VSTM2A: variants seen among roughly 807,000 people sequenced by gnomAD.
The protein encoded by VSTM2A is V-set and transmembrane domain containing 2A.
Under a neutral mutation model 27.3 loss-of-function variants are expected in VSTM2A, and 13 were observed. The ratio of observed to expected loss-of-function variants is 0.48; its 90% confidence interval spans 0.31 to 0.76. The LOEUF (loss-of-function observed/expected upper bound fraction) is 0.76. Ranked by LOEUF, VSTM2A falls within the 30% of genes least tolerant of loss-of-function variation. The pLI, the probability that VSTM2A is intolerant of heterozygous loss-of-function variation, is 0.05. For missense variants in VSTM2A, 280 were observed against 310.0 expected (o/e 0.90, Z 0.73); for synonymous variants, 142 against 125.7 (o/e 1.13, Z -0.87).
In VSTM2A at chr7:54,542,809, G is replaced by A; in HGVS notation, c.79G>A (p.Ala27Thr). The A allele has an allele frequency of 6.2e-7, 1 of 1,613,562 alleles. No individual in the cohort carries two copies. The highest frequency in any genetic ancestry group is 8.5e-7 in the Non-Finnish European group (1 of 1,179,662). ...LYVQQGLSSQ[A>T]KFTEFPRNVT... The stretch of plus-strand genomic sequence containing the variant: ...TGTACAACAAGGGCTTTCTTCTCAA[G>A]GTAAGTCTTGCTCAATGGCAAATAT... Residue 27 changes from alanine to threonine, a missense_variant and splice_region_variant, in exon 1 of 5, where the codon GCA becomes ACA. Coordinates refer to ENST00000402613, the MANE Select transcript of VSTM2A (RefSeq NM_001301009.2).
At chr7:54,550,441 C>T (rs1788154051) in intron 4 of VSTM2A, 3 of 763,492 alleles carry the variant, frequency 3.9e-6, no homozygotes, top group Non-Finnish European at 5.8e-6. Context: ...TGTATTTACA[C>T]ATTATAAGAA....
intron 2 of VSTM2A, among the ~76,000 whole-genome samples, chr7:54,546,514 G>A (rs1787976276): frequency 6.6e-6 from 1 of 151,130 alleles, no homozygotes; most frequent in African/African-American, 2.4e-5. Context: ...CACTCACGCC[G>A]GCCGCCCCAC....
intron 4 of VSTM2A, among the ~76,000 whole-genome samples, chr7:54,560,456 A>G (rs997111919): frequency 6.6e-6 from 1 of 152,140 alleles, no homozygotes; most frequent in Non-Finnish European, 1.5e-5. Context: ...TCATGCAATC[A>G]TTTTTCCTGT....
At chr7:54,556,235 C>T (rs1305840313) in intron 4 of VSTM2A, among the ~76,000 whole-genome samples, 2 of 152,144 alleles carry the variant, frequency 1.3e-5, no homozygotes, top group Non-Finnish European at 2.9e-5. Flanking sequence ...GAAGGTGGTA[C>T]TTGTGTCTCC....
intron 2 of VSTM2A, 85 bp downstream of exon 2, chr7:54,544,873 G>C: frequency 6.9e-7 from 1 of 1,443,922 alleles, no homozygotes; most frequent in Non-Finnish European, 9.2e-7. Context: ...CCGAGGTGCT[G>C]CCTGGACACC....
intron 3 of VSTM2A, among the ~76,000 whole-genome samples, chr7:54,549,212 T>C (rs1177325176): frequency 6.6e-6 from 1 of 152,104 alleles, no homozygotes; most frequent in African/African-American, 2.4e-5. Flanking sequence ...GATACATACT[T>C]TGAGCAACAA....
At position 54,553,772 on chromosome 7, in the gene VSTM2A, C is replaced by T. The variant is rs75492748; in HGVS notation, c.634+3602C>T. ...GGATGGAGTGGTTTAGGTCCCTCTT[C>T]GCAGAGAACACAGGACTCAACGCCC... On this transcript the variant is annotated intron_variant, in intron 4 of 4. Coordinates refer to ENST00000402613, the MANE Select transcript of VSTM2A (RefSeq NM_001301009.2). 4.1e-3 allele frequency: 6,099 copies of T among 1,499,254 alleles called. 161 individuals are homozygous for T. In the African/African-American group the frequency reaches 0.064, roughly 16 times the overall value. The allele number at this position is 1,499,254 out of a possible 1,614,324, so 92.9% of individuals were successfully genotyped here. A position where few individuals can be genotyped will look rare whatever the true frequency, so the allele number is the denominator to read the frequency against.
chr7:54,546,850 T>A, intron 2 of VSTM2A, 97 bp from the exon 3 acceptor site: 2 of 1,490,680 alleles, frequency 1.3e-6, no homozygotes, highest in Non-Finnish European at 1.8e-6. Flanking sequence ...CAGGTCACCC[T>A]GACGGCCCTG....
At chr7:54,543,385 A>G (rs1047574536) in intron 1 of VSTM2A, among the ~76,000 whole-genome samples, 1 of 152,136 alleles carries the variant, frequency 6.6e-6, no homozygotes, top group South Asian at 2.1e-4. Flanking sequence ...AGCACCATGA[A>G]CAGATCACAT....
At chr7:54,566,796 C>A (rs1009278241) in intron 4 of VSTM2A, among the ~76,000 whole-genome samples, 8 of 152,146 alleles carry the variant, frequency 5.3e-5, no homozygotes, top group African/African-American at 1.9e-4. Context: ...CAGAACTCAG[C>A]GGTCCTGACG....
In VSTM2A at chr7:54,542,828, C is replaced by A; in HGVS notation, c.79+19C>A. 2.5e-6 allele frequency: 4 copies of A among 1,607,230 alleles called. No individual in the cohort carries two copies. Among genetic ancestry groups the A allele is most frequent in the Non-Finnish European group, 3.4e-6 (4 of 1,174,944 alleles). On this transcript the variant is annotated intron_variant, in intron 1 of 4. Transcript: ENST00000402613. ...TCTCAAGGTAAGTCTTGCTCAATGG[C>A]AAATATACATTTGCTTGCGTGTGTG...
chr7:54,544,276 C>G (rs192171411), intron 1 of VSTM2A, among the ~76,000 whole-genome samples: 2 of 152,194 alleles, frequency 1.3e-5, no homozygotes, highest in Admixed American at 1.3e-4. Context: ...GACAGATTGC[C>G]TAAATTGTAT....
intron 1 of VSTM2A, among the ~76,000 whole-genome samples, chr7:54,544,294 ACT>A (rs529390676): frequency 6.6e-6 from 1 of 152,124 alleles, no homozygotes; most frequent in Non-Finnish European, 1.5e-5. Context: ...TATCTCACTG[ACT>A]CTCTCAGTAA....
rs945165504 is a variant in VSTM2A, at chr7:54,570,111, G to T, written c.*892G>T. The stretch of plus-strand genomic sequence containing the variant: ...TTCTGGAAAGTGCATATTCAAAATT[G>T]TATCAGTCTCTGATCGATGAATTAA... On this transcript the variant is annotated 3_prime_UTR_variant, in exon 5 of 5. Transcript: ENST00000402613. The T allele has an allele frequency of 6.6e-6, 1 of 152,090 alleles. No individual in the cohort carries two copies. The highest frequency in any genetic ancestry group is 2.4e-5 in the African/African-American group (1 of 41,418). 9.4% of individuals were successfully genotyped at this position (152,090 alleles called of 1,614,324 possible).
chr7:54,551,534 AT>A (rs1274678275), intron 4 of VSTM2A: 1 of 152,140 alleles, frequency 6.6e-6, no homozygotes, highest in African/African-American at 2.4e-5. Context: ...TTTTTTCTTT[AT>A]AATCTTTTCT....
At chr7:54,544,551 G>A (rs761817800) in intron 1 of VSTM2A, 71 bp from the exon 2 acceptor site, 42 of 1,587,504 alleles carry the variant, frequency 2.6e-5, no homozygotes, top group Non-Finnish European at 3.5e-5. Context: ...AAAATGTAGC[G>A]AGCTCTCAAG....
At chr7:54,561,754 A>G (rs1403507172) in intron 4 of VSTM2A, among the ~76,000 whole-genome samples, 4 of 152,352 alleles carry the variant, frequency 2.6e-5, no homozygotes, top group East Asian at 3.9e-4. Context: ...TCAAACTTGG[A>G]AAATATATGG....
At chr7:54,563,445 T>A (rs1212594241) in intron 4 of VSTM2A, among the ~76,000 whole-genome samples, 1 of 152,224 alleles carries the variant, frequency 6.6e-6, no homozygotes, top group Non-Finnish European at 1.5e-5. Flanking sequence ...TCATCCCATC[T>A]GCACAAAATC....
In VSTM2A at chr7:54,550,022, C is replaced by T. The variant is rs1271376775; in HGVS notation, c.486C>T (p.Ala162=). 5.0e-6 allele frequency: 8 copies of T among 1,611,648 alleles called. No homozygotes were observed. The highest frequency in any genetic ancestry group is 6.8e-6 in the Non-Finnish European group (8 of 1,178,870). ...SHARRMQAFE[A]SPMWLQDMKP... ...CCCGCAGAATGCAGGCCTTCGAAGCCTCGCCCATGTGGCTGCAGGATATGA... is the reference window on the plus strand; with the variant it reads ...CCCGCAGAATGCAGGCCTTCGAAGCTTCGCCCATGTGGCTGCAGGATATGA... The change falls in exon 4 of 5, where the codon GCC becomes GCT. Residue 162 remains alanine, a synonymous_variant. Transcript: ENST00000402613.
Sources: gnomAD v4.1 joint callset for allele counts (sites outside exome capture counted in the v4.1 genomes callset) on GRCh38, gnomAD v4.1.1 for gene constraint, MANE v1.5 for transcripts, NCBI Gene and HGNC (gene_info 2026-07-23, HGNC 2026-07-21) for gene names.